Variants in ROCK2 observed in about 807,000 individuals in gnomAD.
The protein encoded by ROCK2 is Rho associated coiled-coil containing protein kinase 2.
ROCK2 carries 61 observed loss-of-function variants against 195.1 expected under a neutral mutation model. The ratio of observed to expected loss-of-function variants is 0.31; its 90% CI spans 0.25 to 0.39. The LOEUF (loss-of-function observed/expected upper bound fraction) is 0.39. Ranked by LOEUF, ROCK2 falls within the 10% of genes least tolerant of loss-of-function variation. ROCK2 has a pLI of 1.00. For synonymous variants in ROCK2, 504 were observed against 545.5 expected (o/e 0.92, Z 1.06); for missense variants, 1,109 against 1,637.4 (o/e 0.68, Z 5.57).
At chr2:11,288,369 A>T (rs976141965) in intron 1 of ROCK2, among the ~76,000 whole-genome samples, 10 of 152,248 alleles carry the variant, frequency 6.6e-5, no homozygotes, top group African/African-American at 2.2e-4. Context: ...ATTAAGTCTC[A>T]GATTACTCAA....
In ROCK2 at chr2:11,334,626, A is replaced by AAAAAAAATGAACAAACAGCCCATAC. The variant is rs1553320856; in HGVS notation, c.141+9369_141+9370insGTATGGGCTGTTTGTTCATTTTTTT. Among the ~76,000 whole-genome samples, 198 of 151,404 alleles carry AAAAAAAATGAACAAACAGCCCATAC rather than the reference A, an allele frequency of 1.3e-3. 4 individuals carry two copies. Among genetic ancestry groups the AAAAAAAATGAACAAACAGCCCATAC allele is most frequent in the Non-Finnish European group, 1.8e-3 (122 of 67,644 alleles). ...TATTCTGTGCATTAAATAAAAATAA[A>AAAAAAAATGAACAAACAGCCCATAC]CTCAAAAGCCAAGAAGCATATATGA... On this transcript the variant is annotated intron_variant, in intron 1 of 32. Transcript: ENST00000315872.
intron 3 of ROCK2, among the ~76,000 whole-genome samples, 188 bp from the exon 4 acceptor site, chr2:11,249,986 C>T (rs3771106): frequency 0.38 from 57,863 of 151,986 alleles, 13,118 homozygotes; most frequent in Admixed American, 0.51. Flanking sequence ...CTAAGTATTT[C>T]ATGAAATATG....
rs41264193 is a variant in ROCK2, at chr2:11,249,781, C to T, written c.342G>A (p.Ser114=). ...GAAGCTTCATAGCATAAACCTTCTG[C>T]GATGCCTTGTGACGAACCTGTTGAT... ...GEVQLVRHKA[S]QKVYAMKLLS... is the part of the protein sequence containing the mutation. The change falls in exon 4 of 33, where the codon TCG becomes TCA. Residue 114 remains serine (S), a synonymous_variant. Transcript: ENST00000315872. 72,875 of 1,537,122 alleles carry T rather than the reference C, an allele frequency of 0.047. 2,434 individuals are homozygous for T. The highest frequency in any genetic ancestry group is 0.051 in the Non-Finnish European group (58,565 of 1,148,636).
chr2:11,309,060 G>A, intron 1 of ROCK2: 3 of 1,441,564 alleles, frequency 2.1e-6, no homozygotes, highest in Non-Finnish European at 2.8e-6. Context: ...CAGACCAGTA[G>A]GCCGGAGGGA....
intron 3 of ROCK2, among the ~76,000 whole-genome samples, chr2:11,270,083 A>G (rs1019730078): frequency 3.9e-5 from 6 of 152,174 alleles, no homozygotes; most frequent in Non-Finnish European, 7.4e-5. Flanking sequence ...ATAATTTCCT[A>G]AAGTGCAGAA....
rs765831941 is a variant in ROCK2, at chr2:11,222,097, T to C, written c.1085A>G (p.Asp362Gly). The change falls in exon 8 of 33, where the codon GAT becomes GGT. Residue 362 changes from aspartate (D) to glycine (G), a missense_variant. By Grantham distance (94) the Asp-to-Gly change is moderately conservative. This residue lies in a region of ROCK2 where 253 missense variants were observed against 455.5 expected (regional missense o/e 0.56). Coordinates refer to ENST00000315872, the MANE Select transcript of ROCK2 (RefSeq NM_004850.5). ...PFFKNDQWHW[D>G]NIRETAAPVV... ...TATTGACTTACTTTCTCTTATGTTA[T>C]CCCAATGCCACTGATCATTCTTAAA... 1.2e-6 allele frequency: 2 copies of C among 1,603,162 alleles called. No homozygotes were observed. Among genetic ancestry groups the C allele is most frequent in the Non-Finnish European group, 1.7e-6 (2 of 1,170,646 alleles).
chr2:11,230,092 T>C (rs1664950220), intron 5 of ROCK2, among the ~76,000 whole-genome samples: 1 of 152,134 alleles, frequency 6.6e-6, no homozygotes, highest in South Asian at 2.1e-4. Context: ...ATTTAGTATA[T>C]ACAATATATA....
At chr2:11,296,015 A>G (rs13020007) in intron 1 of ROCK2, among the ~76,000 whole-genome samples, 478 of 79,558 alleles carry the variant, frequency 6.0e-3, no homozygotes, top group East Asian at 0.024. Flanking sequence ...GGAGAGAGAG[A>G]GAGAGAGAGA....
At chr2:11,322,275 CCATA>C (rs1021827341) in intron 1 of ROCK2, among the ~76,000 whole-genome samples, 1 of 151,626 alleles carries the variant, frequency 6.6e-6, no homozygotes. Flanking sequence ...ATGTTGTACA[CCATA>C]AATACACATA....
At chr2:11,218,420 TCA>T (rs1363080274) in intron 11 of ROCK2, 33 bp downstream of exon 11, 1 of 1,539,098 alleles carries the variant, frequency 6.5e-7, no homozygotes, top group Non-Finnish European at 8.8e-7. Flanking sequence ...TGAGCTTTTC[TCA>T]GTTTTTCAAT....
intron 3 of ROCK2, among the ~76,000 whole-genome samples, chr2:11,258,227 T>C (rs1175851473): frequency 6.6e-6 from 1 of 151,432 alleles, no homozygotes; most frequent in Non-Finnish European, 1.5e-5. Flanking sequence ...GGTGAATGCA[T>C]GAGTGAATAA....
At chr2:11,293,320 T>C (rs1005210658) in intron 1 of ROCK2, among the ~76,000 whole-genome samples, 2 of 152,178 alleles carry the variant, frequency 1.3e-5, no homozygotes, top group African/African-American at 4.8e-5. Flanking sequence ...GAGGAAAAGA[T>C]AAAATTGTGT....
chr2:11,222,170 C>T lies in ROCK2; in HGVS notation c.1012G>A (p.Val338Ile). The T allele has an allele frequency of 6.3e-7, 1 of 1,582,760 alleles. No homozygotes were observed. The change falls in exon 8 of 33, where the codon GTA (valine) becomes ATA (isoleucine). Residue 338 changes from valine to isoleucine, a missense_variant. This residue lies in a region of ROCK2 where 253 missense variants were observed against 455.5 expected (regional missense o/e 0.56). Coordinates refer to ENST00000315872, the MANE Select transcript of ROCK2 (RefSeq NM_004850.5). ...TCCACCCCATTTCTCCCAAGTCGTA[C>T]CTCCCTAAACAATGCAGTTAAAGAT... ...LICAFLTDRE[V>I]RLGRNGVEEI...
At chr2:11,199,418 A>G (rs966193613) in intron 23 of ROCK2, among the ~76,000 whole-genome samples, 1 of 151,502 alleles carries the variant, frequency 6.6e-6, no homozygotes, top group Non-Finnish European at 1.5e-5. Context: ...CAAGGCTCTA[A>G]GGATCCTCCC....
At chr2:11,218,696 T>C (rs1664517042) in intron 10 of ROCK2, among the ~76,000 whole-genome samples, 1 of 152,232 alleles carries the variant, frequency 6.6e-6, no homozygotes. Context: ...AATGTTATTA[T>C]AGTTGTTTAC....
intron 32 of ROCK2, among the ~76,000 whole-genome samples, chr2:11,191,208 T>C (rs1005116671): frequency 2.6e-5 from 4 of 152,228 alleles, no homozygotes; most frequent in African/African-American, 9.6e-5. Context: ...TGTGTTCATT[T>C]CATGTTCAAT....
chr2:11,227,157 G>A (rs1404060703), intron 6 of ROCK2, 97 bp downstream of exon 6: 19 of 1,161,564 alleles, frequency 1.6e-5, no homozygotes, highest in South Asian at 4.8e-5. Flanking sequence ...TCTTCCCTAC[G>A]ACAAAGGCAA....
intron 1 of ROCK2, among the ~76,000 whole-genome samples, chr2:11,296,408 C>G (rs1331762700): frequency 6.6e-6 from 1 of 152,080 alleles, no homozygotes; most frequent in Non-Finnish European, 1.5e-5. Context: ...AGTCAATTGT[C>G]AATTAAATAA....
At chr2:11,244,596 A>G (rs140595499) in intron 4 of ROCK2, among the ~76,000 whole-genome samples, 2 of 151,836 alleles carry the variant, frequency 1.3e-5, no homozygotes, top group African/African-American at 4.8e-5. Flanking sequence ...TGAGACCCCA[A>G]TCTTTACCAA....
Sources: allele counts gnomAD v4.1 joint callset (sites outside exome capture counted in the v4.1 genomes callset), GRCh38; gene constraint gnomAD v4.1.1; regional missense constraint gnomAD v4.1.1; transcripts MANE v1.5; gene names NCBI Gene and HGNC (gene_info 2026-07-23, HGNC 2026-07-21).